The following CTBP1 variants were observed in gnomAD, a reference collection of about 807,000 sequenced individuals.
CTBP1 encodes C-terminal binding protein 1.
A neutral mutation model predicts 42.1 loss-of-function variants in CTBP1; 11 were observed. The ratio of observed to expected loss-of-function variants is 0.26; its 90% CI spans 0.16 to 0.43. The LOEUF (loss-of-function observed/expected upper bound fraction) is 0.43, where lower values mean the gene tolerates loss of function less well. Ranked by LOEUF, CTBP1 falls within the 20% of genes least tolerant of loss-of-function variation. The pLI, the probability that CTBP1 is intolerant of heterozygous loss-of-function variation, is 1.00. For missense variants in CTBP1, 399 were observed against 624.3 expected (o/e 0.64, Z 3.85); for synonymous variants, 324 against 277.1 (o/e 1.17, Z -1.68).
intron 5 of CTBP1, among the ~76,000 whole-genome samples, chr4:1,220,387 A>G (rs1009554424): frequency 2.6e-5 from 4 of 152,220 alleles, no homozygotes; most frequent in Non-Finnish European, 5.9e-5. Context: ...GAAACCTTCT[A>G]CTGATAACGA....
In CTBP1 at chr4:1,216,246, GTGGCC is replaced by G. The variant is rs1729101901; in HGVS notation, c.515-46_515-42del. On this transcript the variant is annotated intron_variant, in intron 5 of 9. Transcript: ENST00000382952. ...CACAGTGTGAGACCCTTGCTCACCC[GTGGCC>G]GGGAGGCCGGCCCCGAAAGCCAGGG... 3 of 1,568,176 alleles carry G rather than the reference GTGGCC, an allele frequency of 1.9e-6. No individual in the cohort carries two copies. The African/African-American group carries it at 4.1e-5, about 21-fold the overall frequency.
chr4:1,217,730 T>C (rs1729297108), intron 5 of CTBP1: 1 of 152,222 alleles, frequency 6.6e-6, no homozygotes, highest in South Asian at 2.1e-4. Flanking sequence ...CCACATGATG[T>C]CTGGCTTAGG....
At chr4:1,234,716 G>A (rs1004678966) in intron 3 of CTBP1, 2 of 152,108 alleles carry the variant, frequency 1.3e-5, no homozygotes, top group Admixed American at 6.5e-5. Flanking sequence ...TTATTCTTAC[G>A]TGTGCATCTT....
At chr4:1,243,740 T>C (rs1732428551) in intron 1 of CTBP1, 3 of 985,314 alleles carry the variant, frequency 3.0e-6, no homozygotes, top group African/African-American at 1.7e-5. Context: ...GCTCCAGCTC[T>C]GTACCTTGCC....
chr4:1,240,841 T>G (rs1052936431), intron 2 of CTBP1, among the ~76,000 whole-genome samples: 1 of 152,138 alleles, frequency 6.6e-6, no homozygotes, highest in Non-Finnish European at 1.5e-5. Flanking sequence ...TCACACGGCC[T>G]GTGCTGAAGC....
At chr4:1,240,102 G>A (rs1276054902) in intron 2 of CTBP1, among the ~76,000 whole-genome samples, 1 of 152,250 alleles carries the variant, frequency 6.6e-6, no homozygotes, top group Non-Finnish European at 1.5e-5. Flanking sequence ...ACTGCAGACC[G>A]CTCGGCTGCG....
rs542756153 is a variant in CTBP1, at chr4:1,237,042, C to T, written c.162+1141G>A. 99 of 500,102 alleles carry T rather than the reference C, an allele frequency of 2.0e-4. 1 individual carries two copies. In the African/African-American group the frequency reaches 2.3e-3, roughly 12 times the overall value. The allele number at this position is 500,102 out of a possible 1,614,324, so 31.0% of individuals were successfully genotyped here. A position where few individuals can be genotyped will look rare whatever the true frequency, so the allele number is the denominator to read the frequency against. ...AAACCCAGTGTCCACCTCCTGATGG[C>T]GCTCAGGACAAACCGAGTGTGGGGC... On this transcript the variant is annotated intron_variant, in intron 3 of 9. Transcript: ENST00000382952.
At chr4:1,227,598 G>A (rs1295270363) in intron 4 of CTBP1, among the ~76,000 whole-genome samples, 3 of 150,294 alleles carry the variant, frequency 2.0e-5, no homozygotes, top group African/African-American at 7.4e-5. Flanking sequence ...TGTGCTGAGT[G>A]CATGTGCACG....
intron 5 of CTBP1, 40 bp from the exon 6 acceptor site, chr4:1,216,245 C>G (rs1228378572): frequency 6.4e-7 from 1 of 1,572,794 alleles, no homozygotes. Context: ...CTTGCTCACC[C>G]GTGGCCGGGA....
chr4:1,241,686 G>A lies in CTBP1; in HGVS notation c.-188-167C>T, dbSNP rs566963127. On this transcript the variant is annotated intron_variant, in intron 1 of 9. Transcript: ENST00000382952. ...GGGCCTGCTGACAGCCAGGGGCCCC[G>A]GCTCCTGCCGCACACACGAAGGGCG... is the stretch of plus-strand genomic sequence containing the variant. 80 of 1,263,526 alleles carry A rather than the reference G, an allele frequency of 6.3e-5. No homozygotes were observed. In the African/African-American group the frequency reaches 7.5e-4, roughly 12 times the overall value. The allele number at this position is 1,263,526 out of a possible 1,614,324, so 78.3% of individuals were successfully genotyped here. A position where few individuals can be genotyped will look rare whatever the true frequency, so the allele number is the denominator to read the frequency against.
chr4:1,237,040 G>T (rs1271311099), intron 3 of CTBP1: 1 of 659,548 alleles, frequency 1.5e-6, no homozygotes. Flanking sequence ...ACCTCCTGAT[G>T]GCGCTCAGGA....
At chr4:1,213,644 C>T (rs778712632) in intron 7 of CTBP1, 39 bp from the exon 8 acceptor site, 2 of 1,599,474 alleles carry the variant, frequency 1.3e-6, no homozygotes, top group Non-Finnish European at 1.7e-6. Context: ...AGCCTGAGTG[C>T]TGTGGCTGGG....
rs1407456879 is a variant in CTBP1 at position 1,214,492 on chromosome 4, G to C, written c.730-19C>G. On this transcript the variant is annotated intron_variant, in intron 6 of 9. Coordinates refer to ENST00000382952, the MANE Select transcript of CTBP1 (RefSeq NM_001012614.2). ...GTCTCATCTAGAAGACATAAGGACAGGCCAGGCCCAGTCAGGGATCCGCAC... is the reference window on the plus strand; with the variant it reads ...GTCTCATCTAGAAGACATAAGGACACGCCAGGCCCAGTCAGGGATCCGCAC... 2.6e-6 allele frequency: 4 copies of C among 1,556,472 alleles called. No individual in the cohort carries two copies. Among genetic ancestry groups the C allele is most frequent in the Non-Finnish European group, 3.5e-6 (4 of 1,158,650 alleles).
At chr4:1,220,535 G>GAATGGA (rs1456681655) in intron 5 of CTBP1, among the ~76,000 whole-genome samples, 1 of 152,216 alleles carries the variant, frequency 6.6e-6, no homozygotes, top group Non-Finnish European at 1.5e-5. Flanking sequence ...GCTGATTCCA[G>GAATGGA]AATGGAAATG....
intron 1 of CTBP1, chr4:1,242,918 G>A (rs989635250): frequency 1.1e-5 from 11 of 984,972 alleles, no homozygotes; most frequent in South Asian, 9.4e-5. Context: ...AATGCCAGCC[G>A]ATACTCATCA....
At chr4:1,221,644 G>A (rs891132518) in intron 5 of CTBP1, 4 of 256,298 alleles carry the variant, frequency 1.6e-5, no homozygotes, top group East Asian at 1.4e-4. Flanking sequence ...AGAAGGCTGC[G>A]TGCCCGTGAT....
intron 3 of CTBP1, among the ~76,000 whole-genome samples, chr4:1,230,022 A>G (rs1219799108): frequency 6.6e-6 from 1 of 152,164 alleles, no homozygotes; most frequent in Non-Finnish European, 1.5e-5. Flanking sequence ...ACAGAGGAAC[A>G]GGTGTGTGTA....
intron 4 of CTBP1, among the ~76,000 whole-genome samples, chr4:1,226,748 G>A (rs1730392321): frequency 1.3e-5 from 2 of 151,762 alleles, no homozygotes; most frequent in Admixed American, 6.6e-5. Context: ...ACCCGACACC[G>A]CAGCCGGCCC....
At chr4:1,222,421 G>A (rs1003473697) in intron 5 of CTBP1, among the ~76,000 whole-genome samples, 3 of 152,134 alleles carry the variant, frequency 2.0e-5, no homozygotes, top group East Asian at 1.9e-4. Flanking sequence ...GGCCCGCGCC[G>A]AGAGCGAGGG....
Sources: allele counts gnomAD v4.1 joint callset (sites outside exome capture counted in the v4.1 genomes callset), GRCh38; gene constraint gnomAD v4.1.1; transcripts MANE v1.5; gene names NCBI Gene and HGNC (gene_info 2026-07-23, HGNC 2026-07-21).